VGLL4: variants seen among roughly 807,000 people sequenced by gnomAD.
The protein encoded by VGLL4 is vestigial like family member 4.
In VGLL4, 7 loss-of-function variants were observed where a neutral mutation model predicts 21.0. That is an observed-to-expected ratio of 0.33 (90% CI 0.19 to 0.63). VGLL4 has a LOEUF of 0.63. Ranked by LOEUF, VGLL4 falls within the 20% of genes least tolerant of loss-of-function variation. The probability of loss-of-function intolerance (pLI) is 0.78; values close to 1 mark genes in which losing one functional copy is unlikely to be tolerated. For missense variants in VGLL4, 394 were observed against 425.7 expected, an observed-to-expected ratio of 0.93 and a Z score of 0.66; for synonymous variants, 222 against 173.2, an observed-to-expected ratio of 1.28 and a Z score of -2.21.
chr3:11,715,737 T>G (rs2076910787), intron 1 of VGLL4, among the ~76,000 whole-genome samples: 1 of 152,216 alleles, frequency 6.6e-6, no homozygotes, highest in South Asian at 2.1e-4. Context: ...GTGAGATTCC[T>G]TCCGGCTTCT....
At chr3:11,644,080 G>A (rs967180071), upstream of VGLL4, among the ~76,000 whole-genome samples, 1 of 152,216 alleles carries the variant, frequency 6.6e-6, no homozygotes, top group Non-Finnish European at 1.5e-5. Context: ...CTCTAGAGAC[G>A]GGGCCTTGGC....
In VGLL4 at chr3:11,601,991, T is replaced by A. The variant is rs2276749; in HGVS notation, c.114A>T (p.Ile38=). ...GGGCAGAGGCCACCGGCAGGGTCTG[T>A]ATTCTGGGTTCTCCCCTGAGAGCAG... ...GEAALRGEPR[I]QTLPVASALS... The change falls in exon 2 of 5, where the codon ATA becomes ATT. Residue 38 remains isoleucine (I), a synonymous_variant. Transcript: ENST00000430365. The A allele has an allele frequency of 1.3e-6, 2 of 1,596,908 alleles. No individual in the cohort carries two copies. The highest frequency in any genetic ancestry group is 8.5e-7 in the Non-Finnish European group (1 of 1,173,942).
At chr3:11,571,738 A>G (rs950282024) in intron 2 of VGLL4, among the ~76,000 whole-genome samples, 11 of 151,974 alleles carry the variant, frequency 7.2e-5, no homozygotes, top group African/African-American at 2.7e-4. Context: ...TCAGAAATCA[A>G]CTCCATGGAC....
intron 1 of VGLL4, among the ~76,000 whole-genome samples, chr3:11,619,723 A>C (rs1029277679): frequency 7.2e-5 from 11 of 152,068 alleles, no homozygotes; most frequent in African/African-American, 2.7e-4. Flanking sequence ...ATTCCACCCC[A>C]TTCACCCCTG....
rs78361578 is a variant in VGLL4, at chr3:11,583,676, G to A, written c.272+18157C>T. ...AGGAGTGGGCTGCAATCCCACTCTCGTCACGATGACGATGCTCCCATTCCA... is the reference window on the plus strand; with the variant it reads ...AGGAGTGGGCTGCAATCCCACTCTCATCACGATGACGATGCTCCCATTCCA... On this transcript the variant is annotated intron_variant, in intron 2 of 4. Coordinates refer to ENST00000430365, the MANE Select transcript of VGLL4 (RefSeq NM_001128219.3). Among the ~76,000 whole-genome samples the A allele has an allele frequency of 1.2e-4, 19 of 152,308 alleles. 1 individual carries two copies. In the East Asian group the frequency reaches 3.1e-3, roughly 25 times the overall value.
At chr3:11,578,284 A>G (rs1487391264) in intron 2 of VGLL4, among the ~76,000 whole-genome samples, 1 of 152,194 alleles carries the variant, frequency 6.6e-6, no homozygotes, top group East Asian at 1.9e-4. Flanking sequence ...ATACTGGCTA[A>G]AGACCAGACA....
At position 11,643,530 on chromosome 3, in the gene VGLL4, G is replaced by C; in HGVS notation, c.-12C>G. 1 of 1,613,962 alleles carries C rather than the reference G, an allele frequency of 6.2e-7. No homozygotes were observed. Among genetic ancestry groups the C allele is most frequent in the Non-Finnish European group, 8.5e-7 (1 of 1,179,880 alleles). On this transcript the variant is annotated 5_prime_UTR_variant, in exon 1 of 5. Coordinates refer to ENST00000430365, the MANE Select transcript of VGLL4 (RefSeq NM_001128219.3). ...TTCATAAATAGCATTTATTGGGCTA[G>C]CAAAGAAAACCAGCTCTTTGCTTTT...
In VGLL4 at chr3:11,650,744, C is replaced by CACACACACACACAG. The variant is rs1491587847; in HGVS notation, c.65-48723_65-48722insCTGTGTGTGTGTGT. ...ACACACACACACACACACACACACACAGACACACACTTTAACCTGATGTAA... is the reference window on the plus strand; with the variant it reads ...ACACACACACACACACACACACACACACACACACACACAGAGACACACACTTTAACCTGATGTAA... On this transcript the variant is annotated intron_variant, in intron 2 of 5. Transcript: ENST00000273038. Among the ~76,000 whole-genome samples the CACACACACACACAG allele has an allele frequency of 7.4e-4, 109 of 146,826 alleles. 1 individual carries two copies. The highest frequency in any genetic ancestry group is 4.7e-3 in the Admixed American group (68 of 14,592).
At chr3:11,692,742 A>T (rs6789204) in intron 2 of VGLL4, among the ~76,000 whole-genome samples, 69,720 of 125,736 alleles carry the variant, frequency 0.55, 16,806 homozygotes, top group Non-Finnish European at 0.6. Context: ...GGTTTTTTTG[A>T]GGGGGGGTGG....
rs2075915478 is a variant in VGLL4, at chr3:11,653,836, GACTTT to G, written c.64+49130_64+49134del. 6.6e-6 allele frequency among the ~76,000 whole-genome samples: 1 copy of G among 152,108 alleles called. No homozygotes were observed. The highest frequency in any genetic ancestry group is 1.5e-5 in the Non-Finnish European group (1 of 68,020). Reference sequence around the variant, plus strand: ...GGTAGGTCTGGAGCAGCCACACTACGACTTTACTTCGCACTTCTCTGATGGACAGT... The same window carrying G: ...GGTAGGTCTGGAGCAGCCACACTACGACTTCGCACTTCTCTGATGGACAGT... On this transcript the variant is annotated intron_variant, in intron 2 of 5. Transcript: ENST00000273038. This position sits in a 1 kb window ranked among gnomAD's most constrained non-coding sequence, Gnocchi z 4.2.
At chr3:11,564,435 C>T (rs1014986527) in intron 3 of VGLL4, among the ~76,000 whole-genome samples, 10 of 151,742 alleles carry the variant, frequency 6.6e-5, no homozygotes, top group Non-Finnish European at 1.3e-4. Flanking sequence ...CTACATTCAT[C>T]CTAAGAGAAT....
At chr3:11,614,242 G>A (rs565712643) in intron 1 of VGLL4, among the ~76,000 whole-genome samples, 42 of 152,324 alleles carry the variant, frequency 2.8e-4, no homozygotes, top group Admixed American at 1.4e-3. Flanking sequence ...GTCAGCCTCA[G>A]CCCCAAGAGC....
chr3:11,573,186 C>T (rs2073841093), intron 2 of VGLL4, among the ~76,000 whole-genome samples: 1 of 147,668 alleles, frequency 6.8e-6, no homozygotes, highest in African/African-American at 2.5e-5. Flanking sequence ...GACAGACAGA[C>T]AGACAGAAAG....
intron 2 of VGLL4, among the ~76,000 whole-genome samples, chr3:11,666,046 C>T (rs572212405): frequency 6.6e-6 from 1 of 152,082 alleles, no homozygotes; most frequent in East Asian, 1.9e-4. Context: ...GTCAGGAGAT[C>T]GAGACCATCC....
intron 2 of VGLL4, among the ~76,000 whole-genome samples, chr3:11,573,273 A>G (rs188281932): frequency 0.36 from 8,034 of 22,086 alleles, 1,058 homozygotes; most frequent in South Asian, 0.57. Flanking sequence ...GAAAGAAAGA[A>G]AGAAAGAAAG....
At chr3:11,583,017 A>G (rs1237717786) in intron 2 of VGLL4, among the ~76,000 whole-genome samples, 2 of 152,208 alleles carry the variant, frequency 1.3e-5, no homozygotes, top group East Asian at 3.8e-4. Flanking sequence ...AGAAGTTGCT[A>G]AGTCTGCAGA....
intron 2 of VGLL4, among the ~76,000 whole-genome samples, chr3:11,687,598 C>T (rs7610854): frequency 0.49 from 74,132 of 152,016 alleles, 19,459 homozygotes; most frequent in Non-Finnish European, 0.6. Flanking sequence ...GTGTGAGGCA[C>T]TGTACCCGGC....
intron 3 of VGLL4, among the ~76,000 whole-genome samples, chr3:11,560,665 C>A (rs1325777555): frequency 6.6e-6 from 1 of 152,166 alleles, no homozygotes; most frequent in Non-Finnish European, 1.5e-5. Flanking sequence ...TTGGGTCTAA[C>A]AAGAAGCGAC....
Position 11,710,289 on chromosome 3 carries a change from T to C in VGLL4, c.-13-7242A>G, listed in dbSNP as rs577830972. ...TTGGGAACAGCACTGTGGGGTATAT[T>C]AGATTATATTGTTTTTCAAGCAATG... On this transcript the variant is annotated intron_variant, in intron 1 of 5. Coordinates refer to the VGLL4 transcript ENST00000273038. 3.9e-5 allele frequency among the ~76,000 whole-genome samples: 6 copies of C among 152,198 alleles called. No homozygotes were observed. The South Asian group carries it at 1.2e-3, about 32-fold the overall frequency.
Sources: gnomAD v4.1 joint callset for allele counts (sites outside exome capture counted in the v4.1 genomes callset) on GRCh38, gnomAD v4.1.1 for gene constraint, Gnocchi (gnomAD v3.1) non-coding constraint, MANE v1.5 for transcripts, NCBI Gene and HGNC (gene_info 2026-07-23, HGNC 2026-07-21) for gene names.